The following TMEM178A variants were observed in gnomAD, a reference collection of about 807,000 sequenced individuals.
TMEM178A encodes transmembrane protein 178A.
A neutral mutation model predicts 29.1 loss-of-function variants in TMEM178A; 12 were observed. The observed-to-expected ratio is 0.41, with a 90% CI of 0.26 to 0.67. The LOEUF (loss-of-function observed/expected upper bound fraction) is 0.67, where lower values mean the gene tolerates loss of function less well. Ranked by LOEUF, TMEM178A falls within the 30% of genes least tolerant of loss-of-function variation. The pLI is 0.29. For missense variants in TMEM178A, 366 were observed against 419.1 expected (o/e 0.87, Z 1.11); for synonymous variants, 210 against 187.2 (o/e 1.12, Z -0.99).
intron 1 of TMEM178A, among the ~76,000 whole-genome samples, chr2:39,700,995 C>A (rs4644998): frequency 6.6e-6 from 1 of 151,808 alleles, no homozygotes; most frequent in Non-Finnish European, 1.5e-5. Context: ...TATTGTCATA[C>A]AAATTACATG....
downstream of TMEM178A, among the ~76,000 whole-genome samples, chr2:39,722,285 G>C (rs1300809978): frequency 7.2e-5 from 11 of 152,250 alleles, no homozygotes; most frequent in East Asian, 1.2e-3. Context: ...ATTACTAAGG[G>C]AACTGCTTCT....
chr2:39,732,866 T>C, the TMEM178A span, among the ~76,000 whole-genome samples: 1 of 152,218 alleles, frequency 6.6e-6, no homozygotes, highest in Admixed American at 6.5e-5. Flanking sequence ...CCAAAGCTCA[T>C]GTAGGCTGCC....
intron 1 of TMEM178A, among the ~76,000 whole-genome samples, chr2:39,669,888 G>T (rs1670338525): frequency 6.6e-6 from 1 of 152,150 alleles, no homozygotes; most frequent in Non-Finnish European, 1.5e-5. Flanking sequence ...TTCAGTAAAT[G>T]CCCATTAGAA....
At chr2:39,702,320 C>T (rs1191187730) in intron 1 of TMEM178A, among the ~76,000 whole-genome samples, 1 of 152,054 alleles carries the variant, frequency 6.6e-6, no homozygotes, top group Non-Finnish European at 1.5e-5. Context: ...AATTATTGTA[C>T]AGAAATGTTC....
At chr2:39,723,643 T>A in the TMEM178A span, among the ~76,000 whole-genome samples, 1 of 152,224 alleles carries the variant, frequency 6.6e-6, no homozygotes, top group Non-Finnish European at 1.5e-5. Context: ...CCTCAGTGAC[T>A]GTGTCAGGCT....
intron 1 of TMEM178A, among the ~76,000 whole-genome samples, chr2:39,693,593 T>C (rs1301794634): frequency 6.6e-6 from 1 of 152,166 alleles, no homozygotes; most frequent in Non-Finnish European, 1.5e-5. Flanking sequence ...TGTCTCTACA[T>C]TGTGGTTCTC....
intron 1 of TMEM178A, among the ~76,000 whole-genome samples, chr2:39,673,942 C>G (rs1670506991): frequency 1.3e-5 from 2 of 152,064 alleles, no homozygotes; most frequent in Non-Finnish European, 1.5e-5. Flanking sequence ...TGTGCTTTCC[C>G]TAACTATACC....
intron 1 of TMEM178A, 149 bp downstream of exon 1, chr2:39,666,523 T>G: frequency 2.1e-6 from 1 of 469,048 alleles, no homozygotes; most frequent in Middle Eastern, 5.8e-4. Flanking sequence ...CTCCAGTCTT[T>G]ATCTCTTCCC....
chr2:39,670,687 T>C (rs569755569), intron 1 of TMEM178A, among the ~76,000 whole-genome samples: 1 of 152,352 alleles, frequency 6.6e-6, no homozygotes, highest in East Asian at 1.9e-4. Flanking sequence ...GTAATGCTTC[T>C]TTCAGTTCTT....
intron 1 of TMEM178A, among the ~76,000 whole-genome samples, chr2:39,683,342 C>A (rs377106048): frequency 3.3e-5 from 5 of 152,132 alleles, no homozygotes; most frequent in African/African-American, 1.2e-4. Context: ...GTTAAAAATA[C>A]CACTGGGTTT....
At chr2:39,697,675 C>T (rs1325097746) in intron 1 of TMEM178A, 2 of 152,200 alleles carry the variant, frequency 1.3e-5, no homozygotes, top group South Asian at 2.1e-4. Context: ...GCCTGAGAGC[C>T]CCATGGAGAA....
intron 1 of TMEM178A, among the ~76,000 whole-genome samples, chr2:39,702,359 A>G (rs866258497): frequency 2.0e-5 from 3 of 152,114 alleles, no homozygotes; most frequent in Admixed American, 1.3e-4. Flanking sequence ...TAAACCTTCC[A>G]GTCTTTGCCA....
chr2:39,725,113 G>C, the TMEM178A span, among the ~76,000 whole-genome samples: 6 of 152,254 alleles, frequency 3.9e-5, no homozygotes, highest in South Asian at 1.0e-3. Context: ...TAGGGGAATG[G>C]TTTTCAAGAG....
intron 1 of TMEM178A, among the ~76,000 whole-genome samples, chr2:39,675,947 T>C (rs1670605551): frequency 6.6e-6 from 1 of 150,942 alleles, no homozygotes; most frequent in Non-Finnish European, 1.5e-5. Flanking sequence ...GCCTAGCTAC[T>C]TTTCTTTTTA....
rs190057123 is a variant in TMEM178A at position 39,717,194 on chromosome 2, G to A, written c.837G>A (p.Pro279=). 3.8e-5 allele frequency: 62 copies of A among 1,613,328 alleles called. No homozygotes were observed. In the African/African-American group the frequency reaches 5.4e-4, roughly 14 times the overall value. Residue 279 remains proline (P), a synonymous_variant, in exon 4 of 4, where the codon CCG becomes CCA. Transcript: ENST00000281961. The stretch of plus-strand genomic sequence containing the variant: ...CTGGAGGTCTCTGCATCGCTTATCC[G>A]TTTATTAGCCGGACCAAGATTGCAC... ...VAAGGLCIAY[P]FISRTKIAQL... is the part of the protein sequence containing the mutation.
At chr2:39,733,361 T>TCAC in the TMEM178A span, among the ~76,000 whole-genome samples, 3 of 152,246 alleles carry the variant, frequency 2.0e-5, no homozygotes, top group Non-Finnish European at 4.4e-5. Flanking sequence ...ATGCTTTGTG[T>TCAC]CACCAGACAG....
intron 1 of TMEM178A, among the ~76,000 whole-genome samples, chr2:39,682,393 TA>T: frequency 6.6e-6 from 1 of 151,810 alleles, no homozygotes; most frequent in South Asian, 2.1e-4. Flanking sequence ...TTTTTTTTTT[TA>T]AATATTGTGC....
the TMEM178A span, among the ~76,000 whole-genome samples, chr2:39,730,561 C>T: frequency 6.6e-6 from 1 of 152,180 alleles, no homozygotes; most frequent in Non-Finnish European, 1.5e-5. Flanking sequence ...GCTCCTTTCT[C>T]ATGGTTGCCC....
At chr2:39,730,610 T>G in the TMEM178A span, among the ~76,000 whole-genome samples, 1 of 152,044 alleles carries the variant, frequency 6.6e-6, no homozygotes, top group African/African-American at 2.4e-5. Context: ...GCAGTATTGG[T>G]GGTGGTGGTG....
Sources: allele counts gnomAD v4.1 joint callset (sites outside exome capture counted in the v4.1 genomes callset), GRCh38; gene constraint gnomAD v4.1.1; transcripts MANE v1.5; gene names NCBI Gene and HGNC (gene_info 2026-07-23, HGNC 2026-07-21).